RALYL: variants seen among roughly 807,000 people sequenced by gnomAD.
RALYL encodes RNA-binding Raly-like protein.
In RALYL, 29 loss-of-function variants were observed where a neutral mutation model predicts 35.1. The observed-to-expected ratio is 0.83, with a 90% CI of 0.61 to 1.13. The LOEUF is 1.13. Among genes scored for constraint, RALYL ranks in the 50% most tolerant of loss-of-function variants. The pLI, the probability that RALYL is intolerant of heterozygous loss-of-function variation, is 0.00. For missense variants in RALYL, 359 were observed against 360.4 expected, an observed-to-expected ratio of 1.00 and a Z score of 0.03; for synonymous variants, 120 against 127.6, an observed-to-expected ratio of 0.94 and a Z score of 0.40.
intron 4 of RALYL, among the ~76,000 whole-genome samples, chr8:84,843,815 A>G (rs1201595130): frequency 6.6e-6 from 1 of 152,216 alleles, no homozygotes; most frequent in Non-Finnish European, 1.5e-5. Context: ...ATAATGCCGC[A>G]TAGCTACAAC....
chr8:84,679,620 G>A, intron 2 of RALYL: 3 of 472,576 alleles, frequency 6.3e-6, no homozygotes, highest in South Asian at 3.3e-5. Flanking sequence ...GATGCTATTG[G>A]AAGAGCTCAG....
intron 2 of RALYL, among the ~76,000 whole-genome samples, chr8:84,714,635 T>C (rs918661365): frequency 6.6e-6 from 1 of 151,938 alleles, no homozygotes; most frequent in African/African-American, 2.4e-5. Flanking sequence ...TGCTCTAACA[T>C]ATGCCATCTT....
At chr8:84,403,544 T>G (rs2043155566) in intron 1 of RALYL, among the ~76,000 whole-genome samples, 1 of 141,208 alleles carries the variant, frequency 7.1e-6, no homozygotes, top group African/African-American at 2.7e-5. Context: ...TTTTTTTTTT[T>G]TTTTTTTTTT....
intron 2 of RALYL, among the ~76,000 whole-genome samples, chr8:84,713,998 A>G (rs1842590295): frequency 6.6e-6 from 1 of 151,618 alleles, no homozygotes; most frequent in Non-Finnish European, 1.5e-5. Context: ...AGATATATGT[A>G]TCTCATATAG....
Position 84,802,858 on chromosome 8 carries a change from T to C in RALYL, c.333-1912T>C, listed in dbSNP as rs377213946. On this transcript the variant is annotated intron_variant, in intron 3 of 8. Coordinates refer to ENST00000521268, the MANE Select transcript of RALYL (RefSeq NM_173848.7). ...AACAAAGAATTTCGGAGAGACTAAC[T>C]AGGCTGGGGTAACTAATGAAAACCA... Among the ~76,000 whole-genome samples the C allele has an allele frequency of 4.6e-5, 7 of 152,170 alleles. No individual in the cohort carries two copies. The South Asian group carries it at 1.2e-3, about 27-fold the overall frequency.
At chr8:84,527,584 G>A (rs897186000) in intron 1 of RALYL, among the ~76,000 whole-genome samples, 1 of 152,096 alleles carries the variant, frequency 6.6e-6, no homozygotes, top group African/African-American at 2.4e-5. Flanking sequence ...TGTTGGCTTG[G>A]AATGGTAAGA....
chr8:84,703,192 T>C (rs1840522355), intron 2 of RALYL, among the ~76,000 whole-genome samples: 1 of 152,126 alleles, frequency 6.6e-6, no homozygotes, highest in Admixed American at 6.6e-5. Context: ...GAAGTTGGCT[T>C]GTATTCACCG....
At chr8:84,481,352 C>T (rs1287261367) in intron 1 of RALYL, among the ~76,000 whole-genome samples, 5 of 152,084 alleles carry the variant, frequency 3.3e-5, no homozygotes, top group Non-Finnish European at 5.9e-5. Context: ...GTTTCTGAGA[C>T]AGGATCTTGA....
At chr8:84,824,273 AT>A (rs769666177) in intron 4 of RALYL, among the ~76,000 whole-genome samples, 143 of 151,878 alleles carry the variant, frequency 9.4e-4, no homozygotes, top group Non-Finnish European at 1.0e-3. Context: ...AAAAAAAAAA[AT>A]AAGTCAGTAA....
chr8:84,734,218 C>A (rs937810925), intron 2 of RALYL, among the ~76,000 whole-genome samples: 1 of 152,104 alleles, frequency 6.6e-6, no homozygotes, highest in Admixed American at 6.6e-5. Flanking sequence ...TTGTGCATAT[C>A]ACCCCTTAAT....
At chr8:84,872,124 G>A (rs1294717132) in intron 6 of RALYL, among the ~76,000 whole-genome samples, 1 of 152,146 alleles carries the variant, frequency 6.6e-6, no homozygotes, top group East Asian at 1.9e-4. Context: ...TGAATGAGGT[G>A]TGAATACTGC....
upstream of RALYL, chr8:84,183,144 A>AGGCGGCGGCAGC (rs931804621): frequency 6.3e-6 from 1 of 159,590 alleles, no homozygotes; most frequent in Non-Finnish European, 1.4e-5. Context: ...GCAGCGGCAG[A>AGGCGGCGGCAGC]GGCGGCGGCA....
chr8:84,905,259 T>C (rs1416938303), intron 8 of RALYL, among the ~76,000 whole-genome samples: 1 of 152,210 alleles, frequency 6.6e-6, no homozygotes, highest in Non-Finnish European at 1.5e-5. Context: ...AGATTTTCCT[T>C]CTTTTTTAAG....
chr8:84,640,977 C>T (rs527737554), intron 2 of RALYL, among the ~76,000 whole-genome samples: 11 of 151,742 alleles, frequency 7.2e-5, no homozygotes, highest in African/African-American at 2.7e-4. Context: ...TTTCATGAAC[C>T]TTGTCACAGC....
chr8:84,470,468 G>A (rs966419809), intron 1 of RALYL, among the ~76,000 whole-genome samples: 9 of 142,838 alleles, frequency 6.3e-5, no homozygotes, highest in Admixed American at 4.8e-4. Context: ...GATTGTATGG[G>A]TTTTTTTTTT....
At chr8:84,816,533 TTAAC>T (rs761510917) in intron 4 of RALYL, among the ~76,000 whole-genome samples, 6 of 152,302 alleles carry the variant, frequency 3.9e-5, no homozygotes, top group South Asian at 4.1e-4. Context: ...TCAGAATAAT[TTAAC>T]TAAGTCAGAA....
intron 2 of RALYL, among the ~76,000 whole-genome samples, chr8:84,637,890 G>C (rs1295143402): frequency 2.0e-5 from 3 of 151,888 alleles, no homozygotes; most frequent in East Asian, 1.9e-4. Context: ...TGGTTTAAGG[G>C]AGTGTATGGT....
At chr8:84,656,656 G>T (rs1343696823) in intron 2 of RALYL, among the ~76,000 whole-genome samples, 1 of 152,020 alleles carries the variant, frequency 6.6e-6, no homozygotes, top group Non-Finnish European at 1.5e-5. Flanking sequence ...TACTTGAAAA[G>T]TTAATACAAA....
chr8:84,612,374 G>T (rs912603704), intron 2 of RALYL, among the ~76,000 whole-genome samples: 4 of 152,016 alleles, frequency 2.6e-5, no homozygotes, highest in Non-Finnish European at 5.9e-5. Flanking sequence ...GCATAGTAAA[G>T]GCAGGAGAGC....
Sources: gnomAD v4.1 joint callset for allele counts (sites outside exome capture counted in the v4.1 genomes callset) on GRCh38, gnomAD v4.1.1 for gene constraint, MANE v1.5 for transcripts, NCBI Gene and HGNC (gene_info 2026-07-23, HGNC 2026-07-21) for gene names.